The following LRGUK variants were observed in gnomAD, a reference collection of about 807,000 sequenced individuals.
The protein encoded by LRGUK is leucine rich repeats and guanylate kinase domain containing.
In LRGUK, 65 loss-of-function variants were observed where a neutral mutation model predicts 76.0. That is an observed-to-expected ratio of 0.85 (90% CI 0.70 to 1.05). The LOEUF (loss-of-function observed/expected upper bound fraction) is 1.05. Among genes scored for constraint, LRGUK ranks in the 50% least tolerant of loss-of-function variants. The pLI, the probability that LRGUK is intolerant of heterozygous loss-of-function variation, is 0.00. For missense variants in LRGUK, 758 were observed against 732.8 expected (o/e 1.03, Z -0.40); for synonymous variants, 268 against 265.6 (o/e 1.01, Z -0.09).
chr7:134,200,016 ATATATATATATATG>A, intron 14 of LRGUK, among the ~76,000 whole-genome samples: 1 of 131,082 alleles, frequency 7.6e-6, no homozygotes, highest in African/African-American at 2.8e-5. Context: ...ATATATATAT[ATATATATATATATG>A]TATAATTTTT....
chr7:134,183,603 A>C, intron 10 of LRGUK, 131 bp from the exon 11 acceptor site: 1 of 844,794 alleles, frequency 1.2e-6, no homozygotes, highest in South Asian at 2.5e-5. Context: ...TGGAAAGGAC[A>C]ACTATTCTTC....
the LRGUK span, among the ~76,000 whole-genome samples, chr7:134,276,239 C>T: frequency 4.6e-5 from 7 of 152,170 alleles, no homozygotes; most frequent in African/African-American, 9.7e-5. Flanking sequence ...CTATAGAATA[C>T]GAAATCACAA....
intron 1 of LRGUK, among the ~76,000 whole-genome samples, chr7:134,128,044 T>C (rs1797096965): frequency 6.6e-6 from 1 of 151,722 alleles, no homozygotes; most frequent in South Asian, 2.1e-4. Context: ...CCAGCACCTG[T>C]TGCCCATGGC....
intron 11 of LRGUK, among the ~76,000 whole-genome samples, chr7:134,187,439 A>G (rs1453517645): frequency 6.6e-6 from 1 of 152,100 alleles, no homozygotes; most frequent in Non-Finnish European, 1.5e-5. Context: ...TCCTTTCTAA[A>G]TTGCATTGAC....
intron 16 of LRGUK, among the ~76,000 whole-genome samples, chr7:134,222,256 G>T (rs779467646): frequency 2.0e-5 from 3 of 152,190 alleles, no homozygotes; most frequent in Non-Finnish European, 4.4e-5. Context: ...TGTTGCTAGG[G>T]TATAAATTTG....
chr7:134,199,223 G>A (rs767937347), exon 14 of LRGUK: 1 of 1,613,170 alleles, frequency 6.2e-7, no homozygotes. Flanking sequence ...TGCACAGGGT[G>A]TAAGAAGTTT....
At chr7:134,187,586 A>T (rs1217326950) in intron 11 of LRGUK, among the ~76,000 whole-genome samples, 4 of 152,340 alleles carry the variant, frequency 2.6e-5, no homozygotes, top group Admixed American at 2.6e-4. Flanking sequence ...TTTTGATTTT[A>T]CTATTTGTTC....
chr7:134,208,951 A>G, exon 16 of LRGUK: 1 of 399,140 alleles, frequency 2.5e-6, no homozygotes, highest in Non-Finnish European at 4.4e-6. Context: ...AGCTCCCTCA[A>G]CACCTCAGTT....
intron 15 of LRGUK, among the ~76,000 whole-genome samples, chr7:134,215,629 A>G (rs1585568224): frequency 6.6e-6 from 1 of 152,116 alleles, no homozygotes; most frequent in East Asian, 1.9e-4. Flanking sequence ...CTTGAGAACA[A>G]TCTTGATCAG....
downstream of LRGUK, among the ~76,000 whole-genome samples, chr7:134,214,239 T>C (rs1369160548): frequency 1.3e-5 from 2 of 152,170 alleles, no homozygotes; most frequent in East Asian, 1.9e-4. Context: ...TTGTACTGAA[T>C]TGGCAGATGA....
intron 10 of LRGUK, among the ~76,000 whole-genome samples, chr7:134,183,083 CT>C (rs995525167): frequency 1.4e-4 from 22 of 152,312 alleles, no homozygotes; most frequent in African/African-American, 5.3e-4. Flanking sequence ...TCAATTCATT[CT>C]TTAGTCCAGT....
chr7:134,157,744 C>T (rs564585971), intron 5 of LRGUK, among the ~76,000 whole-genome samples: 2 of 152,248 alleles, frequency 1.3e-5, no homozygotes, highest in African/African-American at 2.4e-5. Context: ...AGGATGGTCT[C>T]GATCTCCTGA....
At chr7:134,166,582 T>C (rs1407166215) in intron 7 of LRGUK, among the ~76,000 whole-genome samples, 2 of 152,170 alleles carry the variant, frequency 1.3e-5, no homozygotes, top group African/African-American at 2.4e-5. Flanking sequence ...GTAATACTCA[T>C]AAAGCAATGG....
At chr7:134,250,462 C>A (rs1202824788) in intron 18 of LRGUK, among the ~76,000 whole-genome samples, 2 of 152,192 alleles carry the variant, frequency 1.3e-5, no homozygotes, top group Admixed American at 6.5e-5. Context: ...ATTAGCATAA[C>A]TTTACAAAGT....
At chr7:134,152,733 T>C (rs1798274423) in intron 5 of LRGUK, among the ~76,000 whole-genome samples, 2 of 152,058 alleles carry the variant, frequency 1.3e-5, no homozygotes, top group African/African-American at 4.8e-5. Context: ...TTTATTCCTA[T>C]ATGTGGAAAG....
At chr7:134,148,167 A>C in intron 4 of LRGUK, 71 bp from the exon 5 acceptor site, 4 of 946,806 alleles carry the variant, frequency 4.2e-6, no homozygotes, top group Non-Finnish European at 5.0e-6. Context: ...TTCTTCTTGC[A>C]CAGTTAATTA....
chr7:134,213,903 A>G (rs1414738346), downstream of LRGUK, among the ~76,000 whole-genome samples: 1 of 152,212 alleles, frequency 6.6e-6, no homozygotes, highest in Non-Finnish European at 1.5e-5. Flanking sequence ...TATCATTCCC[A>G]TTTGATATGT....
downstream of LRGUK, among the ~76,000 whole-genome samples, chr7:134,210,731 C>T (rs1163885838): frequency 2.0e-5 from 3 of 152,220 alleles, no homozygotes; most frequent in Non-Finnish European, 2.9e-5. Flanking sequence ...CCCAACCCAG[C>T]AGCCTGTCAA....
At chr7:134,163,699 G>C (rs1798856437) in intron 7 of LRGUK, among the ~76,000 whole-genome samples, 159 bp downstream of exon 7, 1 of 152,146 alleles carries the variant, frequency 6.6e-6, no homozygotes, top group Admixed American at 6.5e-5. Context: ...AGTTGCAGAA[G>C]GGTTGTTTTT....
Sources: gnomAD v4.1 joint callset for allele counts (sites outside exome capture counted in the v4.1 genomes callset) on GRCh38, gnomAD v4.1.1 for gene constraint, MANE v1.5 for transcripts, NCBI Gene and HGNC (gene_info 2026-07-23, HGNC 2026-07-21) for gene names.